Variants in MYCBP2 observed in about 807,000 individuals in gnomAD.
MYCBP2 encodes E3 ubiquitin-protein ligase MYCBP2.
A neutral mutation model predicts 525.3 loss-of-function variants in MYCBP2; 120 were observed. The ratio of observed to expected loss-of-function variants is 0.23; its 90% confidence interval spans 0.20 to 0.27. The LOEUF is 0.27. Among genes scored for constraint, MYCBP2 ranks in the 10% least tolerant of loss-of-function variants. MYCBP2 has a pLI of 1.00. For synonymous variants in MYCBP2, 1,894 were observed against 1,955.8 expected (o/e 0.97, Z 0.83); for missense variants, 4,149 against 5,657.1 (o/e 0.73, Z 8.55).
chr13:77,176,885 A>G (rs1305433382), intron 35 of MYCBP2, among the ~76,000 whole-genome samples: 1 of 152,152 alleles, frequency 6.6e-6, no homozygotes, highest in Non-Finnish European at 1.5e-5. Context: ...ACATTTATAA[A>G]GCCTAATGAA....
Position 77,205,566 on chromosome 13 carries a change from A to T in MYCBP2, c.3622T>A (p.Leu1208Ile), listed in dbSNP as rs372696724. 23 of 1,613,180 alleles carry T rather than the reference A, an allele frequency of 1.4e-5. No homozygotes were observed. Among genetic ancestry groups the T allele is most frequent in the Non-Finnish European group, 1.9e-5 (22 of 1,179,770 alleles). Reference sequence around the variant, plus strand: ...TCTGTACTTGCAACACCCATTTTTAAGTCCTGCATAGCTGCCAAGGTATCA... The same window carrying T: ...TCTGTACTTGCAACACCCATTTTTATGTCCTGCATAGCTGCCAAGGTATCA... ...CLDTLAAMQD[L>I]KMGVASTEEE... The change falls in exon 25 of 83, where the codon TTA (leucine) becomes ATA (isoleucine). Residue 1208 changes from leucine (L) to isoleucine (I), a missense_variant. Coordinates refer to ENST00000544440, the MANE Select transcript of MYCBP2 (RefSeq NM_015057.5).
chr13:77,059,461 T>A, intron 77 of MYCBP2, 62 bp downstream of exon 77: 1 of 1,232,028 alleles, frequency 8.1e-7, no homozygotes, highest in Non-Finnish European at 1.2e-6. Context: ...CTTTTCTGTA[T>A]GAAGTAAAGG....
chr13:77,323,473 A>T (rs1308801269), intron 1 of MYCBP2, among the ~76,000 whole-genome samples: 1 of 152,208 alleles, frequency 6.6e-6, no homozygotes, highest in East Asian at 1.9e-4. Context: ...CCTCCTCATC[A>T]TGGCAATTCA....
At chr13:77,136,236 C>G in intron 52 of MYCBP2, among the ~76,000 whole-genome samples, 1 of 152,346 alleles carries the variant, frequency 6.6e-6, no homozygotes, top group Admixed American at 6.5e-5. Context: ...GTGACTTCCA[C>G]GTGCACTGCA....
intron 1 of MYCBP2, among the ~76,000 whole-genome samples, chr13:77,310,614 A>G (rs2080072415): frequency 6.6e-6 from 1 of 152,192 alleles, no homozygotes; most frequent in Admixed American, 6.5e-5. Flanking sequence ...TCATATATAT[A>G]TAATTGGATT....
chr13:77,228,472 A>T (rs1216645708), intron 18 of MYCBP2, among the ~76,000 whole-genome samples: 1 of 150,520 alleles, frequency 6.6e-6, no homozygotes, highest in Non-Finnish European at 1.5e-5. Context: ...ATGCCATTGC[A>T]CTCCAGCCTA....
chr13:77,045,761 T>A (rs1381389298), intron 82 of MYCBP2, among the ~76,000 whole-genome samples: 1 of 152,200 alleles, frequency 6.6e-6, no homozygotes, highest in Admixed American at 6.5e-5. Flanking sequence ...GAGCTACAGA[T>A]CTTTTTCTAT....
intron 14 of MYCBP2, among the ~76,000 whole-genome samples, chr13:77,255,182 G>GA (rs1370934336): frequency 6.6e-6 from 1 of 151,714 alleles, no homozygotes; most frequent in African/African-American, 2.4e-5. Context: ...TCATACGAAT[G>GA]AAAAATCTAT....
chr13:77,169,836 G>A, intron 38 of MYCBP2, 122 bp from the exon 39 acceptor site: 1 of 800,746 alleles, frequency 1.2e-6, no homozygotes, highest in Middle Eastern at 3.0e-4. Flanking sequence ...ACACCAATTG[G>A]GTGCTTGTCA....
intron 14 of MYCBP2, among the ~76,000 whole-genome samples, chr13:77,253,891 G>A (rs1434526701): frequency 1.3e-5 from 2 of 151,818 alleles, no homozygotes; most frequent in Non-Finnish European, 2.9e-5. Flanking sequence ...ATCCACAATA[G>A]AGCAATTACA....
At chr13:77,198,695 T>C (rs1158902610) in intron 26 of MYCBP2, among the ~76,000 whole-genome samples, 1 of 152,352 alleles carries the variant, frequency 6.6e-6, no homozygotes, top group African/African-American at 2.4e-5. Flanking sequence ...CATATGACTC[T>C]CAATGATTTT....
intron 1 of MYCBP2, among the ~76,000 whole-genome samples, chr13:77,308,671 A>C (rs2079763329): frequency 6.6e-6 from 1 of 152,250 alleles, no homozygotes. Context: ...ATTCAAGTGC[A>C]GTAGTTATTT....
At chr13:77,218,184 G>A (rs1214492584) in intron 20 of MYCBP2, among the ~76,000 whole-genome samples, 3 of 152,120 alleles carry the variant, frequency 2.0e-5, no homozygotes, top group Non-Finnish European at 4.4e-5. Flanking sequence ...TCTTCTAAAT[G>A]TAATTACCCT....
rs1478776467 is a variant in MYCBP2, at chr13:77,267,910, T to C, written c.1288A>G (p.Asn430Asp). Residue 430 changes from asparagine to aspartate, a missense_variant, in exon 8 of 83, where the codon AAC becomes GAC. By Grantham distance (23) the Asn-to-Asp change is conservative. This residue lies in a region of MYCBP2 where 262 missense variants were observed against 419.3 expected (regional missense o/e 0.62). Transcript: ENST00000544440. ...ATCCTTATGGCTGTCATGCTGTGGTTATTCACATCTCTATATAATAAATAA... is the reference window on the plus strand; with the variant it reads ...ATCCTTATGGCTGTCATGCTGTGGTCATTCACATCTCTATATAATAAATAA... The part of the protein sequence containing the change: ...QGYLLYRDVN[N>D]HSMTAIRISP... The C allele has an allele frequency of 6.2e-7, 1 of 1,613,650 alleles. No individual in the cohort carries two copies. Among genetic ancestry groups the C allele is most frequent in the Non-Finnish European group, 8.5e-7 (1 of 1,179,820 alleles).
intron 82 of MYCBP2, among the ~76,000 whole-genome samples, chr13:77,046,030 A>C (rs1368037320): frequency 2.6e-5 from 4 of 152,242 alleles, no homozygotes; most frequent in African/African-American, 9.6e-5. Context: ...TACCTGAAGG[A>C]TATTAGCAGG....
rs182469799 is a variant in MYCBP2 at position 77,269,021 on chromosome 13, A to G, written c.1260+971T>C. ...TCAGGTAGGTACTGTATGGAAAAAA[A>G]TATTTCTAGTCCCTCTTGTCCATCC... On this transcript the variant is annotated intron_variant, in intron 7 of 82. Coordinates refer to ENST00000544440, the MANE Select transcript of MYCBP2 (RefSeq NM_015057.5). Among the ~76,000 whole-genome samples the G allele has an allele frequency of 7.2e-5, 11 of 152,300 alleles. No individual in the cohort carries two copies. The East Asian group carries it at 2.1e-3, about 29-fold the overall frequency.
intron 17 of MYCBP2, among the ~76,000 whole-genome samples, chr13:77,241,378 G>A (rs1395618320): frequency 6.6e-6 from 1 of 152,142 alleles, no homozygotes; most frequent in African/African-American, 2.4e-5. Context: ...GTAAGGATGT[G>A]CTATACTGTA....
At chr13:77,230,264 A>C (rs73545866) in intron 18 of MYCBP2, among the ~76,000 whole-genome samples, 1,639 of 152,304 alleles carry the variant, frequency 0.011, 30 homozygotes, top group African/African-American at 0.037. Context: ...AAAAAGTCAC[A>C]GTCTAAAAAA....
Position 77,210,383 on chromosome 13 carries a change from A to G in MYCBP2, c.3416+784T>C, listed in dbSNP as rs187894403. Among the ~76,000 whole-genome samples the G allele has an allele frequency of 8.0e-3, 1,221 of 151,928 alleles. 11 individuals are homozygous for G. The highest frequency in any genetic ancestry group is 0.022 in the African/African-American group (926 of 41,448). ...AATTTTTCGTATTTTTAGTAGAGACAGGGTTTCACTGTGTTAGCCAGGATG... is the reference window on the plus strand; with the variant it reads ...AATTTTTCGTATTTTTAGTAGAGACGGGGTTTCACTGTGTTAGCCAGGATG... On this transcript the variant is annotated intron_variant, in intron 23 of 82. Coordinates refer to ENST00000544440, the MANE Select transcript of MYCBP2 (RefSeq NM_015057.5).
Sources: gnomAD v4.1 joint callset for allele counts (sites outside exome capture counted in the v4.1 genomes callset) on GRCh38, gnomAD v4.1.1 for gene constraint, gnomAD v4.1.1 regional missense constraint, MANE v1.5 for transcripts, NCBI Gene and HGNC (gene_info 2026-07-23, HGNC 2026-07-21) for gene names.